ZNF804B: variants seen among roughly 807,000 people sequenced by gnomAD.
ZNF804B encodes zinc finger 804B.
ZNF804B carries 80 observed loss-of-function variants against 101.4 expected under a neutral mutation model. That is an observed-to-expected ratio of 0.79 (90% CI 0.66 to 0.95). The LOEUF is 0.95. Ranked by LOEUF, ZNF804B falls within the 40% of genes least tolerant of loss-of-function variation. ZNF804B has a pLI of 0.00. For missense variants in ZNF804B, 1,673 were observed against 1,561.9 expected (o/e 1.07, Z -1.20); for synonymous variants, 622 against 558.8 (o/e 1.11, Z -1.59).
intron 2 of ZNF804B, among the ~76,000 whole-genome samples, chr7:89,241,400 C>T (rs1789369763): frequency 6.6e-6 from 1 of 152,024 alleles, no homozygotes; most frequent in Non-Finnish European, 1.5e-5. Flanking sequence ...GCCAGTGTTT[C>T]CTGGCCCCCT....
chr7:88,775,431 A>T (rs1790127469), intron 1 of ZNF804B, among the ~76,000 whole-genome samples: 1 of 152,198 alleles, frequency 6.6e-6, no homozygotes, highest in African/African-American at 2.4e-5. Context: ...TCTCAAGTAG[A>T]TAGATATATG....
rs11973651 is a variant in ZNF804B, at chr7:88,888,459, C to T, written c.108+128375C>T. Among the ~76,000 whole-genome samples the T allele has an allele frequency of 4.6e-3, 706 of 152,116 alleles. 6 individuals carry two copies. The highest frequency in any genetic ancestry group is 0.016 in the African/African-American group (648 of 41,494). ...ATTAGTTATCATCACCAATGATTTACGTATTTATGATACTTTTACAGTTGG... is the reference window on the plus strand; with the variant it reads ...ATTAGTTATCATCACCAATGATTTATGTATTTATGATACTTTTACAGTTGG... On this transcript the variant is annotated intron_variant, in intron 1 of 3. Transcript: ENST00000333190.
chr7:89,269,792 A>G (rs1158006377), intron 2 of ZNF804B, among the ~76,000 whole-genome samples: 1 of 152,014 alleles, frequency 6.6e-6, no homozygotes, highest in Non-Finnish European at 1.5e-5. Context: ...TGTGGTTTTG[A>G]TTTGCATTTC....
At chr7:88,793,046 G>GA (rs112159815) in intron 1 of ZNF804B, among the ~76,000 whole-genome samples, 183 of 148,726 alleles carry the variant, frequency 1.2e-3, no homozygotes, top group South Asian at 7.4e-3. Flanking sequence ...AGCTAAAAAT[G>GA]AAAAAAAAAT....
chr7:88,992,023 C>A (rs1023870255), intron 1 of ZNF804B, among the ~76,000 whole-genome samples: 2 of 152,144 alleles, frequency 1.3e-5, no homozygotes, highest in African/African-American at 4.8e-5. Flanking sequence ...AAAGCCTTGG[C>A]TATTCTTTTA....
At chr7:89,189,206 A>G (rs1264458044) in intron 1 of ZNF804B, among the ~76,000 whole-genome samples, 1 of 152,148 alleles carries the variant, frequency 6.6e-6, no homozygotes, top group East Asian at 1.9e-4. Context: ...AGACAACACA[A>G]CATTTTACAT....
At chr7:88,845,293 A>ATG (rs1791354611) in intron 1 of ZNF804B, among the ~76,000 whole-genome samples, 3 of 131,512 alleles carry the variant, frequency 2.3e-5, no homozygotes, top group African/African-American at 8.7e-5. Flanking sequence ...GCGCGCGCGC[A>ATG]CGCGCGCGCA....
intron 2 of ZNF804B, among the ~76,000 whole-genome samples, chr7:89,311,417 CT>C (rs959279457): frequency 3.3e-5 from 5 of 151,378 alleles, no homozygotes; most frequent in South Asian, 2.1e-4. Flanking sequence ...GGAATCTTTC[CT>C]TTTTTTTTCT....
At chr7:89,015,865 C>G (rs1335673011) in intron 1 of ZNF804B, among the ~76,000 whole-genome samples, 2 of 152,104 alleles carry the variant, frequency 1.3e-5, no homozygotes, top group African/African-American at 2.4e-5. Flanking sequence ...AATGGGATGG[C>G]TGGGTCAAAT....
At chr7:88,776,805 C>T (rs1376655558) in intron 1 of ZNF804B, among the ~76,000 whole-genome samples, 2 of 120,706 alleles carry the variant, frequency 1.7e-5, no homozygotes, top group Non-Finnish European at 3.3e-5. Flanking sequence ...CTGTTCACTT[C>T]GTTATTTAAA....
chr7:89,199,681 G>T (rs1042536256), intron 1 of ZNF804B, among the ~76,000 whole-genome samples: 14 of 151,732 alleles, frequency 9.2e-5, no homozygotes, highest in African/African-American at 2.4e-4. Context: ...CCACAAGGAT[G>T]TACTGCCTTT....
chr7:89,141,185 T>A (rs965511697), intron 1 of ZNF804B, among the ~76,000 whole-genome samples: 4 of 152,018 alleles, frequency 2.6e-5, no homozygotes, highest in African/African-American at 9.7e-5. Context: ...ATTACAATAG[T>A]AACATCAAAG....
chr7:88,764,358 G>A (rs1789947914), intron 1 of ZNF804B, among the ~76,000 whole-genome samples: 1 of 152,058 alleles, frequency 6.6e-6, no homozygotes, highest in South Asian at 2.1e-4. Flanking sequence ...TCTTTTTCTG[G>A]GAATGCCTAT....
intron 1 of ZNF804B, among the ~76,000 whole-genome samples, chr7:88,852,640 A>G (rs1191102063): frequency 1.3e-5 from 2 of 152,134 alleles, no homozygotes; most frequent in African/African-American, 4.8e-5. Flanking sequence ...CTAACATTTA[A>G]TGAGTGTTTA....
intron 1 of ZNF804B, among the ~76,000 whole-genome samples, chr7:88,785,652 C>T (rs958402768): frequency 7.2e-5 from 11 of 152,140 alleles, no homozygotes. Flanking sequence ...AGCCTCATCT[C>T]TTATGACTCC....
At chr7:89,025,763 T>A (rs1374854133) in intron 1 of ZNF804B, among the ~76,000 whole-genome samples, 1 of 152,158 alleles carries the variant, frequency 6.6e-6, no homozygotes, top group African/African-American at 2.4e-5. Flanking sequence ...ATTTAAATCC[T>A]TTTGTTTCCA....
rs1282633627 is a variant in ZNF804B, at chr7:89,335,804, C to G, written c.2822C>G (p.Ser941Ter). 1 of 1,614,002 alleles carries G rather than the reference C, an allele frequency of 6.2e-7. No homozygotes were observed. Among genetic ancestry groups the G allele is most frequent in the Admixed American group, 1.7e-5 (1 of 59,986 alleles). The change falls in exon 4 of 4, where the codon TCA (serine) becomes TGA (stop). Residue 941 changes from serine (S) to a stop codon, truncating the protein, a stop_gained. Coordinates refer to ENST00000333190, the MANE Select transcript of ZNF804B (RefSeq NM_181646.5). LOFTEE classifies it high-confidence loss of function. ...RVQAKKCQEQ[S>*]SNVEISSNSC... is the part of the protein sequence containing the mutation. ...CAAGCCAAGAAATGTCAAGAACAATCAAGTAATGTTGAGATCTCTTCAAAC... is the reference window on the plus strand; with the variant it reads ...CAAGCCAAGAAATGTCAAGAACAATGAAGTAATGTTGAGATCTCTTCAAAC...
At chr7:88,819,062 CTG>C (rs1241108541) in intron 1 of ZNF804B, among the ~76,000 whole-genome samples, 3 of 152,110 alleles carry the variant, frequency 2.0e-5, no homozygotes, top group African/African-American at 7.2e-5. Context: ...GCGTGATTGA[CTG>C]TATTTTCTTC....
At chr7:88,789,137 G>C (rs9886111) in intron 1 of ZNF804B, among the ~76,000 whole-genome samples, 67,079 of 151,790 alleles carry the variant, frequency 0.44, 17,525 homozygotes, top group East Asian at 0.81. Flanking sequence ...ATGTATCAAA[G>C]TTGGTCTTTC....
Sources: allele counts gnomAD v4.1 joint callset (sites outside exome capture counted in the v4.1 genomes callset), GRCh38; gene constraint gnomAD v4.1.1; transcripts MANE v1.5; gene names NCBI Gene and HGNC (gene_info 2026-07-23, HGNC 2026-07-21).